Variants in WNT7A observed in about 807,000 individuals in gnomAD.
WNT7A encodes protein Wnt-7a.
A neutral mutation model predicts 28.2 loss-of-function variants in WNT7A; 16 were observed. The observed-to-expected ratio is 0.57, with a 90% CI of 0.38 to 0.86. The LOEUF (loss-of-function observed/expected upper bound fraction) is 0.86. Among genes scored for constraint, WNT7A ranks in the 40% least tolerant of loss-of-function variants. The pLI, the probability that WNT7A is intolerant of heterozygous loss-of-function variation, is 0.00. For synonymous variants in WNT7A, 190 were observed against 195.9 expected (o/e 0.97, Z 0.25); for missense variants, 411 against 489.7 (o/e 0.84, Z 1.52).
chr3:13,829,042 C>A (rs906505044), intron 3 of WNT7A, among the ~76,000 whole-genome samples: 1 of 152,054 alleles, frequency 6.6e-6, no homozygotes, highest in Admixed American at 6.6e-5. Flanking sequence ...CATAACACAT[C>A]GCCTGAAAAA....
intron 3 of WNT7A, among the ~76,000 whole-genome samples, chr3:13,834,673 C>CA (rs1694337923): frequency 6.6e-6 from 1 of 152,154 alleles, no homozygotes; most frequent in African/African-American, 2.4e-5. Context: ...TACTCTTCCC[C>CA]ACTCTCCACA....
At chr3:13,849,273 A>G (rs575538345) in intron 3 of WNT7A, among the ~76,000 whole-genome samples, 63 of 152,360 alleles carry the variant, frequency 4.1e-4, no homozygotes, top group African/African-American at 1.4e-3. Flanking sequence ...ATTCCATGTG[A>G]ATCTACAATT....
At chr3:13,819,471 A>AT in intron 3 of WNT7A, 48 bp from the exon 4 acceptor site, 1 of 1,595,628 alleles carries the variant, frequency 6.3e-7, no homozygotes. Context: ...CTGCACGCCA[A>AT]GGCCAAGTGC....
intron 3 of WNT7A, among the ~76,000 whole-genome samples, chr3:13,852,508 G>A (rs893318183): frequency 2.0e-5 from 3 of 152,150 alleles, no homozygotes; most frequent in Non-Finnish European, 4.4e-5. Context: ...GACTGGCACC[G>A]GTCGGAACAA....
At chr3:13,869,882 T>G (rs1031446057) in intron 2 of WNT7A, among the ~76,000 whole-genome samples, 1 of 152,266 alleles carries the variant, frequency 6.6e-6, no homozygotes, top group African/African-American at 2.4e-5. Context: ...GCCTGCCATC[T>G]CACAGGGGAC....
chr3:13,824,658 C>T (rs1165280669), intron 3 of WNT7A, among the ~76,000 whole-genome samples: 2 of 152,198 alleles, frequency 1.3e-5, no homozygotes, highest in East Asian at 1.9e-4. Flanking sequence ...ATGCTCTCTC[C>T]GCAGCAGCTG....
intron 3 of WNT7A, among the ~76,000 whole-genome samples, chr3:13,834,278 C>T (rs1025437387): frequency 1.3e-5 from 2 of 152,098 alleles, no homozygotes; most frequent in African/African-American, 4.8e-5. Context: ...GGTGAAATAA[C>T]AAGCTGTCTA....
chr3:13,856,578 G>C (rs1396489377), intron 2 of WNT7A, among the ~76,000 whole-genome samples: 1 of 152,212 alleles, frequency 6.6e-6, no homozygotes, highest in African/African-American at 2.4e-5. Flanking sequence ...AGTACTTTGG[G>C]AGGCTGAGGT....
At chr3:13,820,716 G>C (rs1694093887) in intron 3 of WNT7A, among the ~76,000 whole-genome samples, 1 of 152,202 alleles carries the variant, frequency 6.6e-6, no homozygotes, top group Non-Finnish European at 1.5e-5. Flanking sequence ...CCCTGACTCT[G>C]AGAATTGGGT....
At chr3:13,868,818 GAGAGAGAA>G (rs1340678058) in intron 2 of WNT7A, among the ~76,000 whole-genome samples, 11 of 31,702 alleles carry the variant, frequency 3.5e-4, no homozygotes, top group African/African-American at 1.2e-3. Flanking sequence ...GAAAGAGAGA[GAGAGAGAA>G]AGAGAGAAAG....
chr3:13,826,460 G>A (rs1694197972), intron 3 of WNT7A, among the ~76,000 whole-genome samples: 1 of 152,130 alleles, frequency 6.6e-6, no homozygotes, highest in Non-Finnish European at 1.5e-5. Flanking sequence ...AGGTAGATGG[G>A]GAAAAGGCAT....
intron 2 of WNT7A, among the ~76,000 whole-genome samples, chr3:13,872,136 C>T (rs1194402558): frequency 6.6e-6 from 1 of 152,168 alleles, no homozygotes; most frequent in African/African-American, 2.4e-5. Context: ...GAGCCTCCAG[C>T]CACAGTGGAC....
intron 3 of WNT7A, among the ~76,000 whole-genome samples, chr3:13,831,121 C>A (rs951896241): frequency 1.3e-5 from 2 of 152,192 alleles, no homozygotes; most frequent in Non-Finnish European, 2.9e-5. Context: ...AGGACAATTT[C>A]TCGGCCTAGG....
At chr3:13,829,919 C>T (rs1300596308) in intron 3 of WNT7A, among the ~76,000 whole-genome samples, 2 of 152,158 alleles carry the variant, frequency 1.3e-5, no homozygotes, top group African/African-American at 2.4e-5. Flanking sequence ...CCTTCTCCAA[C>T]ACCCAGGTCA....
rs1462326969 is a variant in WNT7A at position 13,817,470 on chromosome 3, A to ACACACC, written c.*1473_*1474insGGTGTG. On this transcript the variant is annotated 3_prime_UTR_variant, in exon 4 of 4. Transcript: ENST00000285018. The stretch of plus-strand genomic sequence containing the variant: ...CACACACACACACACACACACACAC[A>ACACACC]CCGGAAATGCAAACGGACACATATT... 5 of 145,228 alleles carry ACACACC rather than the reference A, an allele frequency of 3.4e-5. No individual in the cohort carries two copies. The highest frequency in any genetic ancestry group is 5.4e-5 in the African/African-American group (2 of 36,896). 9.0% of individuals were successfully genotyped at this position (145,228 alleles called of 1,614,324 possible). A position where few individuals can be genotyped will look rare whatever the true frequency, so the allele number is the denominator to read the frequency against.
At chr3:13,864,074 A>T (rs1311616297) in intron 2 of WNT7A, among the ~76,000 whole-genome samples, 1 of 152,158 alleles carries the variant, frequency 6.6e-6, no homozygotes, top group Non-Finnish European at 1.5e-5. Context: ...AAATTCCGGC[A>T]GGGGGGTACC....
At chr3:13,844,389 A>C (rs1694506992) in intron 3 of WNT7A, among the ~76,000 whole-genome samples, 1 of 152,246 alleles carries the variant, frequency 6.6e-6, no homozygotes, top group African/African-American at 2.4e-5. Flanking sequence ...TGAGCAGCTG[A>C]GTGCTGGCCT....
chr3:13,839,793 G>T (rs1400475366), intron 3 of WNT7A, among the ~76,000 whole-genome samples: 2 of 152,172 alleles, frequency 1.3e-5, no homozygotes, highest in Admixed American at 1.3e-4. Flanking sequence ...TCACTCAGAG[G>T]TGCCACATGT....
rs1694032167 is a variant in WNT7A, at chr3:13,817,773, G to A, written c.*1171C>T. 6.6e-6 allele frequency: 1 copy of A among 152,280 alleles called. No individual in the cohort carries two copies. The allele number at this position is 152,280 out of a possible 1,614,324, so 9.4% of individuals were successfully genotyped here. The stretch of plus-strand genomic sequence containing the variant: ...CTCCCTGAACTGGCCTCTGCTGCAG[G>A]ATGACGGTCAAGTCCCTGTGAGGGG... On this transcript the variant is annotated 3_prime_UTR_variant, in exon 4 of 4. Coordinates refer to ENST00000285018, the MANE Select transcript of WNT7A (RefSeq NM_004625.4).
Sources: gnomAD v4.1 joint callset for allele counts (sites outside exome capture counted in the v4.1 genomes callset) on GRCh38, gnomAD v4.1.1 for gene constraint, MANE v1.5 for transcripts, NCBI Gene and HGNC (gene_info 2026-07-23, HGNC 2026-07-21) for gene names.